COL25A1: variants seen among roughly 807,000 people sequenced by gnomAD.
COL25A1 encodes the protein collagen alpha-1(XXV) chain.
In COL25A1, 103 loss-of-function variants were observed where a neutral mutation model predicts 128.4. The observed-to-expected ratio is 0.80, with a 90% CI of 0.68 to 0.94. COL25A1 has a LOEUF of 0.94. COL25A1 is among the 40% of genes least tolerant of loss of function. COL25A1 has a pLI of 0.00. For missense variants in COL25A1, 745 were observed against 840.0 expected (o/e 0.89, Z 1.40); for synonymous variants, 279 against 277.2 (o/e 1.01, Z -0.06).
intron 3 of COL25A1, among the ~76,000 whole-genome samples, chr4:109,201,488 C>T (rs1560858357): frequency 6.6e-6 from 1 of 152,166 alleles, no homozygotes; most frequent in Admixed American, 6.6e-5. Flanking sequence ...GGGTAACTTT[C>T]TCAACCAGAG....
intron 3 of COL25A1, among the ~76,000 whole-genome samples, chr4:109,064,158 A>G (rs1762216323): frequency 6.6e-6 from 1 of 152,208 alleles, no homozygotes; most frequent in South Asian, 2.1e-4. Flanking sequence ...TATTGGATAG[A>G]TTAAACAAAA....
chr4:109,297,798 A>G (rs1294368975), intron 3 of COL25A1, among the ~76,000 whole-genome samples: 1 of 151,036 alleles, frequency 6.6e-6, no homozygotes, highest in African/African-American at 2.4e-5. Context: ...ATAGCCACTA[A>G]TATACCAGAC....
chr4:109,292,194 A>G lies in COL25A1; in HGVS notation c.367+8389T>C, dbSNP rs550769478. ...GAGGCTATTGGCTTCTGCCTGCTCT[A>G]GTCTCTGAGGTCAATCAGTGTAGCT... On this transcript the variant is annotated intron_variant, in intron 3 of 37. Coordinates refer to ENST00000399132, the MANE Select transcript of COL25A1 (RefSeq NM_198721.4). Among the ~76,000 whole-genome samples, 3 of 152,170 alleles carry G rather than the reference A, an allele frequency of 2.0e-5. No homozygotes were observed. The East Asian group carries it at 5.8e-4, about 29-fold the overall frequency.
Position 108,859,749 on chromosome 4 carries a change from T to G in COL25A1, c.1243-16A>C, listed in dbSNP as rs1339614399. ...CAGGTGGACCCTATGACAAAACCAA[T>G]CAAGGGAAAATCATGGGTATTAGCT... On this transcript the variant is annotated splice_polypyrimidine_tract_variant and intron_variant, in intron 23 of 37. Transcript: ENST00000399132. 3 of 1,608,132 alleles carry G rather than the reference T, an allele frequency of 1.9e-6. No homozygotes were observed. Among genetic ancestry groups the G allele is most frequent in the Admixed American group, 1.7e-5 (1 of 59,892 alleles).
chr4:109,023,860 A>G (rs12502197), intron 5 of COL25A1, among the ~76,000 whole-genome samples: 77,103 of 152,096 alleles, frequency 0.51, 22,260 homozygotes, highest in African/African-American at 0.78. Flanking sequence ...CAACAAGTGT[A>G]ATGCCCTTCT....
intron 3 of COL25A1, among the ~76,000 whole-genome samples, chr4:109,197,693 C>T (rs1323869933): frequency 6.6e-6 from 1 of 150,864 alleles, no homozygotes; most frequent in Non-Finnish European, 1.5e-5. Flanking sequence ...TTTCACTTAA[C>T]ATACCAAGCC....
At chr4:109,207,417 G>A (rs560751844) in intron 3 of COL25A1, among the ~76,000 whole-genome samples, 1 of 152,116 alleles carries the variant, frequency 6.6e-6, no homozygotes, top group African/African-American at 2.4e-5. Context: ...TTTGCAAGAG[G>A]ATCACTGAGG....
intron 3 of COL25A1, among the ~76,000 whole-genome samples, chr4:109,085,926 C>G (rs1764320906): frequency 6.6e-6 from 1 of 152,168 alleles, no homozygotes; most frequent in Admixed American, 6.5e-5. Context: ...GTAGAAGTTA[C>G]TATAAAGTTT....
chr4:109,213,921 C>A (rs569642214), intron 3 of COL25A1, among the ~76,000 whole-genome samples: 2 of 152,022 alleles, frequency 1.3e-5, no homozygotes, highest in Non-Finnish European at 2.9e-5. Flanking sequence ...CATGCTATCA[C>A]GTAGATAGTA....
At chr4:109,079,333 C>A (rs1163035815) in intron 3 of COL25A1, among the ~76,000 whole-genome samples, 1 of 152,162 alleles carries the variant, frequency 6.6e-6, no homozygotes, top group Non-Finnish European at 1.5e-5. Context: ...ATTAATCAAT[C>A]CAGTTTAACT....
Position 109,007,921 on chromosome 4 carries a change from G to A in COL25A1, c.438+2437C>T, listed in dbSNP as rs76805287. Among the ~76,000 whole-genome samples the A allele has an allele frequency of 6.3e-3, 954 of 152,162 alleles. 39 individuals are homozygous for A. The East Asian group carries it at 0.1, about 16-fold the overall frequency. On this transcript the variant is annotated intron_variant, in intron 6 of 37. Coordinates refer to ENST00000399132, the MANE Select transcript of COL25A1 (RefSeq NM_198721.4). ...ATCTTTCTTCTGTTTATTAACTGTG[G>A]CTGTATACTCAAGATTTACTATGAC...
At chr4:109,144,368 G>A (rs1770732564) in intron 3 of COL25A1, among the ~76,000 whole-genome samples, 1 of 152,182 alleles carries the variant, frequency 6.6e-6, no homozygotes, top group South Asian at 2.1e-4. Flanking sequence ...TAGGAGGCAT[G>A]GGTGTCAAGG....
intron 12 of COL25A1, among the ~76,000 whole-genome samples, chr4:108,920,254 T>C (rs1399635415): frequency 6.6e-6 from 1 of 152,216 alleles, no homozygotes; most frequent in African/African-American, 2.4e-5. Context: ...AGGAAGGCCA[T>C]GCATTCATTT....
intron 3 of COL25A1, among the ~76,000 whole-genome samples, chr4:109,206,054 A>AT (rs1239645758): frequency 7.2e-5 from 11 of 152,154 alleles, no homozygotes; most frequent in African/African-American, 2.7e-4. Flanking sequence ...CAGAAAAAAA[A>AT]ATCTTTTTCA....
intron 3 of COL25A1, among the ~76,000 whole-genome samples, chr4:109,119,277 A>C (rs944379368): frequency 6.6e-6 from 1 of 152,160 alleles, no homozygotes; most frequent in African/African-American, 2.4e-5. Context: ...TAAAATTAAT[A>C]ATCTAAGCTT....
chr4:108,873,571 C>T (rs28408219), intron 19 of COL25A1, among the ~76,000 whole-genome samples: 6 of 115,658 alleles, frequency 5.2e-5, no homozygotes, highest in African/African-American at 5.8e-5. Context: ...GCAGCAGTAG[C>T]AGCAGTAGCA....
intron 15 of COL25A1, among the ~76,000 whole-genome samples, chr4:108,898,451 C>G (rs1015249503): frequency 6.6e-6 from 1 of 152,084 alleles, no homozygotes; most frequent in African/African-American, 2.4e-5. Flanking sequence ...ATTTTTCAAA[C>G]ACTATTAAAA....
chr4:109,181,235 A>G (rs1047484285), intron 3 of COL25A1, among the ~76,000 whole-genome samples: 2 of 152,154 alleles, frequency 1.3e-5, no homozygotes, highest in African/African-American at 4.8e-5. Context: ...GACTCCCTTG[A>G]GGATCTGAAA....
At chr4:108,972,740 C>T (rs1480603318) in intron 8 of COL25A1, among the ~76,000 whole-genome samples, 4 of 152,164 alleles carry the variant, frequency 2.6e-5, no homozygotes, top group Non-Finnish European at 5.9e-5. Flanking sequence ...TGGCCCCACT[C>T]AGTGTGAAAA....
Sources: gnomAD v4.1 joint callset for allele counts (sites outside exome capture counted in the v4.1 genomes callset) on GRCh38, gnomAD v4.1.1 for gene constraint, MANE v1.5 for transcripts, NCBI Gene and HGNC (gene_info 2026-07-23, HGNC 2026-07-21) for gene names.